Variants in FHIP1A observed in about 807,000 individuals in gnomAD.
The protein encoded by FHIP1A is FHF complex subunit HOOK-interacting protein 1A.
FHIP1A carries 61 observed loss-of-function variants against 88.6 expected under a neutral mutation model. That is an observed-to-expected ratio of 0.69 (90% CI 0.56 to 0.85). The LOEUF is 0.85. FHIP1A is among the 40% of genes least tolerant of loss of function. The probability of loss-of-function intolerance (pLI) is 0.00; values close to 1 mark genes in which losing one functional copy is unlikely to be tolerated. For synonymous variants in FHIP1A, 478 were observed against 496.0 expected (o/e 0.96, Z 0.48); for missense variants, 1,154 against 1,273.5 (o/e 0.91, Z 1.43).
intron 1 of FHIP1A, among the ~76,000 whole-genome samples, chr4:151,438,285 TA>T (rs1217003809): frequency 6.6e-6 from 1 of 152,094 alleles, no homozygotes; most frequent in Admixed American, 6.6e-5. Flanking sequence ...GGTTCTTAGA[TA>T]CTCTCCGAGA....
At chr4:151,644,734 C>T (rs530781198) in intron 9 of FHIP1A, among the ~76,000 whole-genome samples, 1 of 152,288 alleles carries the variant, frequency 6.6e-6, no homozygotes, top group South Asian at 2.1e-4. Context: ...GTCCTCTCTC[C>T]TGCTCTGATC....
At chr4:151,485,437 C>A (rs1173553763) in intron 3 of FHIP1A, among the ~76,000 whole-genome samples, 1 of 152,026 alleles carries the variant, frequency 6.6e-6, no homozygotes, top group Non-Finnish European at 1.5e-5. Context: ...CCACACTGAA[C>A]TGATGTACTC....
rs1012035614 is a variant in FHIP1A, at chr4:151,670,503, A to T, written c.*7749A>T. The T allele has an allele frequency of 6.6e-6, 1 of 152,122 alleles. No individual in the cohort carries two copies. Among genetic ancestry groups the T allele is most frequent in the Non-Finnish European group, 1.5e-5 (1 of 68,004 alleles). 9.4% of individuals were successfully genotyped at this position (152,122 alleles called of 1,614,324 possible). A position where few individuals can be genotyped will look rare whatever the true frequency, so the allele number is the denominator to read the frequency against. On this transcript the variant is annotated 3_prime_UTR_variant, in exon 14 of 14. Coordinates refer to ENST00000435205, the MANE Select transcript of FHIP1A (RefSeq NM_001109977.3). ...ATTGATTAAATTTATTGGAAAACTT[A>T]TTTTTTTAATTCATTTATTCTCAGA...
chr4:151,447,794 A>G (rs1255214075), intron 1 of FHIP1A, among the ~76,000 whole-genome samples: 1 of 152,200 alleles, frequency 6.6e-6, no homozygotes, highest in African/African-American at 2.4e-5. Flanking sequence ...GACAGGTACA[A>G]AGGAAGACCA....
intron 3 of FHIP1A, among the ~76,000 whole-genome samples, chr4:151,536,479 C>T (rs1167254934): frequency 5.3e-5 from 8 of 152,140 alleles, no homozygotes; most frequent in African/African-American, 1.7e-4. Flanking sequence ...TCCCATACAT[C>T]ATCCCTAGCA....
chr4:151,505,004 C>A (rs75638762), intron 3 of FHIP1A, among the ~76,000 whole-genome samples: 1 of 152,140 alleles, frequency 6.6e-6, no homozygotes, highest in Non-Finnish European at 1.5e-5. Flanking sequence ...CCATTACCCC[C>A]CGACCCAGTC....
intron 9 of FHIP1A, among the ~76,000 whole-genome samples, chr4:151,640,931 T>G (rs1736564211): frequency 6.6e-6 from 1 of 152,118 alleles, no homozygotes. Flanking sequence ...GATGAAGAGA[T>G]CAGCTCATGG....
intron 3 of FHIP1A, among the ~76,000 whole-genome samples, chr4:151,528,957 C>T (rs908478580): frequency 3.3e-5 from 5 of 152,088 alleles, no homozygotes; most frequent in African/African-American, 1.2e-4. Context: ...GGTGTTCTAC[C>T]CTCCACCTGC....
Position 151,618,561 on chromosome 4 carries a change from A to G in FHIP1A, c.979-11141A>G, listed in dbSNP as rs557867937. On this transcript the variant is annotated intron_variant, in intron 7 of 13. Transcript: ENST00000435205. ...TCTAAGTGTTCCAAAGTGCTTTTCT[A>G]TTATCCTGTAGATCCTCACTTCTTT... is the stretch of plus-strand genomic sequence containing the variant. 3.9e-5 allele frequency among the ~76,000 whole-genome samples: 6 copies of G among 152,306 alleles called. No individual in the cohort carries two copies. The South Asian group carries it at 1.0e-3, about 26-fold the overall frequency.
chr4:151,577,966 G>C lies in FHIP1A; in HGVS notation c.622G>C (p.Glu208Gln). ...FSLLIPFIHR[E>Q]GSVGQQARDA... ...CCTTCTGATTCCCTTCATTCACCGA[G>C]AGGGGTCAGTAGGCCAGCAAGCTCG... The change falls in exon 5 of 14, where the codon GAG becomes CAG. Residue 208 changes from glutamate (E) to glutamine (Q), a missense_variant. Transcript: ENST00000435205. The C allele has an allele frequency of 1.3e-6, 2 of 1,551,336 alleles. No individual in the cohort carries two copies. Among genetic ancestry groups the C allele is most frequent in the South Asian group, 2.4e-5 (2 of 84,028 alleles).
chr4:151,545,105 C>T (rs1313632730), intron 3 of FHIP1A, among the ~76,000 whole-genome samples: 1 of 152,128 alleles, frequency 6.6e-6, no homozygotes, highest in African/African-American at 2.4e-5. Flanking sequence ...CCTCACTGCC[C>T]TCACTATTTT....
rs549733773 is a variant in FHIP1A at position 151,450,561 on chromosome 4, A to G, written c.-355-4140A>G. On this transcript the variant is annotated intron_variant, in intron 1 of 13. Transcript: ENST00000435205. Reference sequence around the variant, plus strand: ...CTGTATATCTTGGTATGCTTACACAACTGTATATATAGGGTAAATTACTAT... The same window carrying G: ...CTGTATATCTTGGTATGCTTACACAGCTGTATATATAGGGTAAATTACTAT... 2.0e-5 allele frequency among the ~76,000 whole-genome samples: 3 copies of G among 152,250 alleles called. No homozygotes were observed. In the South Asian group the frequency reaches 6.2e-4, roughly 32 times the overall value.
intron 7 of FHIP1A, among the ~76,000 whole-genome samples, chr4:151,619,426 G>A (rs1735655564): frequency 6.6e-6 from 1 of 152,086 alleles, no homozygotes; most frequent in Admixed American, 6.5e-5. Context: ...AAGTCAATTT[G>A]GTAGGTCACA....
At chr4:151,547,852 T>G (rs755280839) in intron 3 of FHIP1A, among the ~76,000 whole-genome samples, 1 of 151,732 alleles carries the variant, frequency 6.6e-6, no homozygotes, top group Non-Finnish European at 1.5e-5. Flanking sequence ...AGGTAGAGGT[T>G]GCAGTGAGCC....
At chr4:151,504,562 T>TTTAAGTTATG (rs1553947081) in intron 3 of FHIP1A, among the ~76,000 whole-genome samples, 1 of 145,236 alleles carries the variant, frequency 6.9e-6, no homozygotes, top group East Asian at 2.0e-4. Flanking sequence ...GGGAAAAAAT[T>TTTAAGTTATG]TTATGTTATG....
chr4:151,596,985 G>A (rs1734672226), intron 7 of FHIP1A, among the ~76,000 whole-genome samples: 1 of 152,014 alleles, frequency 6.6e-6, no homozygotes, highest in Admixed American at 6.6e-5. Context: ...TCTTTAGCTT[G>A]GAGAAGTTTG....
intron 3 of FHIP1A, among the ~76,000 whole-genome samples, chr4:151,504,543 C>T (rs1353398709): frequency 1.3e-5 from 2 of 150,752 alleles, no homozygotes; most frequent in African/African-American, 5.0e-5. Flanking sequence ...TTTATTAGCT[C>T]ATCTAGCTGG....
At chr4:151,627,559 CTT>C (rs916525962) in intron 7 of FHIP1A, among the ~76,000 whole-genome samples, 4 of 152,162 alleles carry the variant, frequency 2.6e-5, no homozygotes, top group African/African-American at 9.7e-5. Flanking sequence ...GATTATGCAA[CTT>C]TTTTCTAGTG....
intron 3 of FHIP1A, among the ~76,000 whole-genome samples, chr4:151,559,099 G>A (rs1733069788): frequency 6.6e-6 from 1 of 152,064 alleles, no homozygotes; most frequent in Admixed American, 6.6e-5. Context: ...TCAGACATTT[G>A]GTAGTCATTA....
Sources: allele counts gnomAD v4.1 joint callset (sites outside exome capture counted in the v4.1 genomes callset), GRCh38; gene constraint gnomAD v4.1.1; transcripts MANE v1.5; gene names NCBI Gene and HGNC (gene_info 2026-07-23, HGNC 2026-07-21).